AGBL4: variants seen among roughly 807,000 people sequenced by gnomAD.
AGBL4 encodes AGBL carboxypeptidase 4, also known as cytosolic carboxypeptidase 6.
AGBL4 carries 58 observed loss-of-function variants against 66.4 expected under a neutral mutation model. The observed-to-expected ratio is 0.87, with a 90% CI of 0.71 to 1.09. The LOEUF (loss-of-function observed/expected upper bound fraction) is 1.09, where lower values mean the gene tolerates loss of function less well. AGBL4 is among the 50% of genes least tolerant of loss of function. The pLI, the probability that AGBL4 is intolerant of heterozygous loss-of-function variation, is 0.00. For synonymous variants in AGBL4, 234 were observed against 222.9 expected, an observed-to-expected ratio of 1.05 and a Z score of -0.44; for missense variants, 579 against 631.0, an observed-to-expected ratio of 0.92 and a Z score of 0.88.
rs397832796 is a variant in AGBL4 at position 49,107,698 on chromosome 1, A to T, written c.378-61898T>A. Among the ~76,000 whole-genome samples the T allele has an allele frequency of 1.0e-2, 465 of 46,598 alleles. 1 individual carries two copies. The highest frequency in any genetic ancestry group is 0.023 in the Non-Finnish European group (269 of 11,580). The allele number at this position is 46,598 out of a possible 152,430, so 30.6% of individuals were successfully genotyped here. A position where few individuals can be genotyped will look rare whatever the true frequency, so the allele number is the denominator to read the frequency against. ...ATGTGTGTGTGTGTGTGTGTGTGAG[A>T]GAGAGAGAGAGAGAGAGAGAGAGAG... On this transcript the variant is annotated intron_variant, in intron 4 of 13. Transcript: ENST00000371839.
intron 3 of AGBL4, among the ~76,000 whole-genome samples, chr1:49,484,877 C>T (rs1034292111): frequency 5.9e-5 from 9 of 151,814 alleles, no homozygotes; most frequent in African/African-American, 1.5e-4. Context: ...TATATATATA[C>T]ACTATGTACC....
chr1:49,831,192 T>G (rs1021261033), intron 2 of AGBL4, among the ~76,000 whole-genome samples: 4 of 152,182 alleles, frequency 2.6e-5, no homozygotes, highest in African/African-American at 9.6e-5. Context: ...TATAAATTAC[T>G]TTGGGCAGTA....
intron 2 of AGBL4, among the ~76,000 whole-genome samples, chr1:49,825,561 C>T (rs1004965864): frequency 1.3e-5 from 2 of 152,198 alleles, no homozygotes; most frequent in Middle Eastern, 3.4e-3. Flanking sequence ...ATCTTTACTC[C>T]GGATGTCTCT....
chr1:48,722,024 A>G (rs1430474559), intron 6 of AGBL4, among the ~76,000 whole-genome samples: 1 of 152,060 alleles, frequency 6.6e-6, no homozygotes, highest in Admixed American at 6.6e-5. Context: ...AATTCACATA[A>G]GAAGAACAGA....
At chr1:50,022,929 T>C (rs1010289459) in intron 1 of AGBL4, among the ~76,000 whole-genome samples, 2 of 152,248 alleles carry the variant, frequency 1.3e-5, no homozygotes, top group Non-Finnish European at 2.9e-5. Context: ...AGTCAGTATC[T>C]CACAAATCCC....
intron 3 of AGBL4, among the ~76,000 whole-genome samples, chr1:49,509,377 G>C (rs1263727125): frequency 1.3e-5 from 2 of 151,904 alleles, no homozygotes; most frequent in East Asian, 3.9e-4. Flanking sequence ...TTATTTACCT[G>C]TGGAGGTGTT....
At chr1:48,575,224 G>A (rs927471055) in intron 11 of AGBL4, among the ~76,000 whole-genome samples, 2 of 152,082 alleles carry the variant, frequency 1.3e-5, no homozygotes, top group Non-Finnish European at 2.9e-5. Flanking sequence ...TATTCCACTA[G>A]GAGATATCCC....
At chr1:49,174,688 T>C (rs1426243284) in intron 4 of AGBL4, 1 of 152,130 alleles carries the variant, frequency 6.6e-6, no homozygotes, top group South Asian at 2.1e-4. Context: ...TCAGCTACCT[T>C]TGACTGACTG....
intron 5 of AGBL4, among the ~76,000 whole-genome samples, chr1:48,901,976 C>T (rs970503615): frequency 2.1e-4 from 32 of 152,230 alleles, no homozygotes; most frequent in East Asian, 7.7e-4. Flanking sequence ...GTGAAGGGCA[C>T]GTCTTACATG....
chr1:48,726,313 CAG>C (rs1290224276), intron 6 of AGBL4, among the ~76,000 whole-genome samples: 1 of 152,152 alleles, frequency 6.6e-6, no homozygotes, highest in African/African-American at 2.4e-5. Context: ...TTGTTACTCA[CAG>C]AGAGAAAAGG....
At chr1:49,051,192 T>C (rs185342282) in intron 4 of AGBL4, among the ~76,000 whole-genome samples, 3 of 152,088 alleles carry the variant, frequency 2.0e-5, no homozygotes, top group African/African-American at 7.2e-5. Flanking sequence ...AGGGACATAA[T>C]AAAAAATCAT....
At chr1:49,671,624 A>G (rs557198982) in intron 3 of AGBL4, among the ~76,000 whole-genome samples, 5 of 152,314 alleles carry the variant, frequency 3.3e-5, no homozygotes, top group African/African-American at 1.2e-4. Context: ...AAAAGAACTT[A>G]AACAAATTTA....
intron 3 of AGBL4, among the ~76,000 whole-genome samples, chr1:49,530,077 C>G (rs1455701981): frequency 6.6e-6 from 1 of 151,532 alleles, no homozygotes; most frequent in African/African-American, 2.4e-5. Context: ...TTACCACTTG[C>G]TTCTGTACAT....
intron 4 of AGBL4, among the ~76,000 whole-genome samples, chr1:49,157,565 A>G (rs1468022995): frequency 1.3e-5 from 2 of 152,206 alleles, no homozygotes; most frequent in Admixed American, 6.6e-5. Context: ...TCTTTATAGT[A>G]GAATGATTTA....
At chr1:49,939,579 C>T (rs1302967492) in intron 1 of AGBL4, among the ~76,000 whole-genome samples, 3 of 151,918 alleles carry the variant, frequency 2.0e-5, no homozygotes, top group Admixed American at 6.6e-5. Flanking sequence ...CTTTGACAAA[C>T]CTGAGAAAAA....
intron 6 of AGBL4, among the ~76,000 whole-genome samples, chr1:48,769,526 A>ACAC (rs1644699536): frequency 7.7e-6 from 1 of 130,216 alleles, no homozygotes; most frequent in Non-Finnish European, 1.6e-5. Context: ...GAGGATTTAA[A>ACAC]ACACACACAC....
intron 5 of AGBL4, among the ~76,000 whole-genome samples, chr1:48,940,875 A>G (rs17105280): frequency 0.043 from 6,602 of 152,324 alleles, 457 homozygotes; most frequent in African/African-American, 0.15. Context: ...TCAGAGCTAC[A>G]TATGAGTTTT....
At chr1:49,320,076 C>T (rs1352341231) in intron 3 of AGBL4, among the ~76,000 whole-genome samples, 2 of 151,938 alleles carry the variant, frequency 1.3e-5, no homozygotes, top group Admixed American at 6.6e-5. Context: ...GGCCCACAGA[C>T]GTATACCACT....
At chr1:49,187,830 T>C (rs1647042040) in intron 4 of AGBL4, among the ~76,000 whole-genome samples, 2 of 152,166 alleles carry the variant, frequency 1.3e-5, no homozygotes, top group Admixed American at 6.5e-5. Context: ...CCCCTTGATA[T>C]GGTTTGGCTG....
Sources: allele counts gnomAD v4.1 joint callset (sites outside exome capture counted in the v4.1 genomes callset), GRCh38; gene constraint gnomAD v4.1.1; transcripts MANE v1.5; gene names NCBI Gene and HGNC (gene_info 2026-07-23, HGNC 2026-07-21).